Variants in WDR62 observed in about 807,000 individuals in gnomAD.
The protein encoded by WDR62 is WD repeat-containing protein 62.
WDR62 carries 112 observed loss-of-function variants against 160.6 expected under a neutral mutation model. That is an observed-to-expected ratio of 0.70 (90% CI 0.60 to 0.82). WDR62 has a LOEUF of 0.82. WDR62 is among the 40% of genes least tolerant of loss of function. WDR62 has a pLI of 0.00. For missense variants in WDR62, 1,819 were observed against 1,983.8 expected (o/e 0.92, Z 1.58); for synonymous variants, 792 against 815.1 (o/e 0.97, Z 0.48).
At chr19:36,100,507 A>G (rs1029574783) in intron 22 of WDR62, among the ~76,000 whole-genome samples, 2 of 152,146 alleles carry the variant, frequency 1.3e-5, no homozygotes, top group South Asian at 4.1e-4. Flanking sequence ...CTATTCTTGA[A>G]CTTGATATAA....
intron 7 of WDR62, chr19:36,070,127 AT>A (rs1282109984): frequency 6.6e-6 from 1 of 151,562 alleles, no homozygotes; most frequent in African/African-American, 2.4e-5. Context: ...ACTACACAAA[AT>A]ACATAAACTT....
intron 7 of WDR62, 149 bp downstream of exon 7, chr19:36,068,159 G>A: frequency 9.6e-7 from 1 of 1,038,370 alleles, no homozygotes. Flanking sequence ...TTCCACATCT[G>A]TAAAATGGGA....
At position 36,104,849 on chromosome 19, in the gene WDR62, C is replaced by G; in HGVS notation, c.4393C>G (p.Gln1465Glu). Residue 1465 changes from glutamine to glutamate, a missense_variant, in exon 32 of 32, where the codon CAG (glutamine) becomes GAG (glutamate). Physicochemically the swap from Gln to Glu is conservative, Grantham distance 29 (BLOSUM62 2). This residue lies in a region of WDR62 where 770 missense variants were observed against 734.2 expected (regional missense o/e 1.05). Transcript: ENST00000401500. ...CTCCACCTTCCTGTGGATCCACAGC[C>G]AGCTGGAGGCTGAATGCCTGGTGGG... ...LVSTFLWIHSQLEAECLVGTS... is the reference protein window; with the variant it reads ...LVSTFLWIHSELEAECLVGTS... 2 of 1,613,410 alleles carry G rather than the reference C, an allele frequency of 1.2e-6. No homozygotes were observed. Among genetic ancestry groups the G allele is most frequent in the Non-Finnish European group, 1.7e-6 (2 of 1,180,010 alleles).
At chr19:36,058,921 C>A in intron 2 of WDR62, 50 bp downstream of exon 2, 2 of 1,494,114 alleles carry the variant, frequency 1.3e-6, no homozygotes, top group East Asian at 2.3e-5. Context: ...GAATTTGGAG[C>A]TTGGAACCTG....
intron 9 of WDR62, among the ~76,000 whole-genome samples, chr19:36,077,430 G>A (rs1452487398): frequency 2.0e-5 from 3 of 151,060 alleles, no homozygotes; most frequent in Non-Finnish European, 4.4e-5. Context: ...ACAGGCACAC[G>A]CCACCACACC....
intron 7 of WDR62, among the ~76,000 whole-genome samples, chr19:36,068,623 A>C (rs905999511): frequency 6.6e-6 from 1 of 152,234 alleles, no homozygotes; most frequent in East Asian, 1.9e-4. Flanking sequence ...CCCTTAATGC[A>C]TTTAACCCTG....
At position 36,097,036 on chromosome 19, in the gene WDR62, G is replaced by A; in HGVS notation, c.2477G>A (p.Cys826Tyr). ...TTCTGTGTCTTTCCAGATCCTCGTT[G>A]CCTGCTAACCAACGGCAAGCTGCCA... ...SKDSLDPDPR[C>Y]LLTNGKLPLW... The change falls in exon 21 of 32, where the codon TGC becomes TAC. Residue 826 changes from cysteine (C) to tyrosine (Y), a missense_variant. Cys to Tyr is a radical substitution (Grantham distance 194). Transcript: ENST00000401500. 6.2e-7 allele frequency: 1 copy of A among 1,613,008 alleles called. No homozygotes were observed. Among genetic ancestry groups the A allele is most frequent in the Non-Finnish European group, 8.5e-7 (1 of 1,179,538 alleles).
chr19:36,068,977 C>T (rs939144001), intron 7 of WDR62, among the ~76,000 whole-genome samples: 8 of 151,240 alleles, frequency 5.3e-5, no homozygotes, highest in African/African-American at 7.3e-5. Context: ...GGCGGCAGGG[C>T]GGAGGCGGAC....
intron 5 of WDR62, 27 bp from the exon 6 acceptor site, chr19:36,067,279 T>C: frequency 6.2e-7 from 1 of 1,610,508 alleles, no homozygotes; most frequent in Non-Finnish European, 8.5e-7. Flanking sequence ...AGTGCTGGCA[T>C]GAGCTTCTCT....
chr19:36,065,457 A>G (rs1970885121), intron 3 of WDR62, among the ~76,000 whole-genome samples: 2 of 152,238 alleles, frequency 1.3e-5, no homozygotes, highest in South Asian at 2.1e-4. Flanking sequence ...GTGCTTGTGC[A>G]GGCTAGCTAG....
chr19:36,086,626 T>C, intron 12 of WDR62, 61 bp from the exon 13 acceptor site: 1 of 1,554,842 alleles, frequency 6.4e-7, no homozygotes, highest in South Asian at 1.2e-5. Context: ...ACACTGCCCT[T>C]CTGGGAGGCC....
intron 29 of WDR62, 38 bp from the exon 30 acceptor site, chr19:36,103,303 TTC>T (rs751669784): frequency 2.5e-6 from 4 of 1,612,716 alleles, no homozygotes; most frequent in Admixed American, 3.3e-5. Flanking sequence ...TAGCCATCAG[TTC>T]TGTGTGGTGG....
intron 5 of WDR62, among the ~76,000 whole-genome samples, chr19:36,066,929 A>G (rs1047655291): frequency 6.6e-6 from 1 of 152,120 alleles, no homozygotes; most frequent in Non-Finnish European, 1.5e-5. Flanking sequence ...AGGAAATTTC[A>G]TGGGTTATCC....
intron 8 of WDR62, 94 bp from the exon 9 acceptor site, chr19:36,073,248 G>A: frequency 8.7e-7 from 1 of 1,152,774 alleles, no homozygotes. Flanking sequence ...CATGAGGGAT[G>A]GCATTGCCGG....
chr19:36,068,047 C>G, intron 7 of WDR62, 37 bp downstream of exon 7: 1 of 1,596,218 alleles, frequency 6.3e-7, no homozygotes. Flanking sequence ...TGGACAGACT[C>G]TTTCTCGTGA....
intron 19 of WDR62, 140 bp from the exon 20 acceptor site, chr19:36,093,890 AG>A (rs1972788657): frequency 1.0e-6 from 1 of 997,160 alleles, no homozygotes; most frequent in Non-Finnish European, 1.6e-6. Flanking sequence ...GCATCAAGTG[AG>A]AGACTTGCCA....
At position 36,054,930 on chromosome 19, in the gene WDR62, G is replaced by C. The variant is rs752222781; in HGVS notation, c.-42G>C. On this transcript the variant is annotated 5_prime_UTR_variant, in exon 1 of 32. Coordinates refer to ENST00000401500, the MANE Select transcript of WDR62 (RefSeq NM_001083961.2). Reference sequence around the variant, plus strand: ...AGTGGGTCGTGGCGGTGGCGGCAGCGGCGGTTAGGGGATGTAACGGTCGCC... The same window carrying C: ...AGTGGGTCGTGGCGGTGGCGGCAGCCGCGGTTAGGGGATGTAACGGTCGCC... 3.9e-6 allele frequency: 6 copies of C among 1,552,260 alleles called. No homozygotes were observed. In the South Asian group the frequency reaches 7.0e-5, roughly 18 times the overall value.
intron 17 of WDR62, 29 bp downstream of exon 17, chr19:36,091,340 T>TGCCCC: frequency 6.3e-7 from 1 of 1,579,192 alleles, no homozygotes; most frequent in Non-Finnish European, 8.7e-7. Flanking sequence ...TTGGGATGCC[T>TGCCCC]CCCCACCCGC....
intron 20 of WDR62, among the ~76,000 whole-genome samples, chr19:36,096,642 T>G (rs1479677422): frequency 3.2e-4 from 46 of 143,616 alleles, no homozygotes; most frequent in African/African-American, 1.1e-3. Context: ...ACCCGGGAGG[T>G]GGAGGTTGCA....
Sources: gnomAD v4.1 joint callset for allele counts (sites outside exome capture counted in the v4.1 genomes callset) on GRCh38, gnomAD v4.1.1 for gene constraint, gnomAD v4.1.1 regional missense constraint, MANE v1.5 for transcripts, NCBI Gene and HGNC (gene_info 2026-07-23, HGNC 2026-07-21) for gene names.